The following PENK variants were observed in gnomAD, a reference collection of about 807,000 sequenced individuals.
The protein encoded by PENK is proenkephalin, also known as proenkephalin-A.
Under a neutral mutation model 24.1 loss-of-function variants are expected in PENK, and 25 were observed. The observed-to-expected ratio is 1.04, with a 90% CI of 0.76 to 1.45. PENK has a LOEUF of 1.45. Ranked by LOEUF, PENK falls within the 40% of genes most tolerant of loss-of-function variation. PENK has a pLI of 0.00. For synonymous variants in PENK, 135 were observed against 130.3 expected (o/e 1.04, Z -0.24); for missense variants, 353 against 337.9 (o/e 1.04, Z -0.35).
In PENK at chr8:56,441,903, G is replaced by A; in HGVS notation, c.173C>T (p.Ser58Phe). Residue 58 changes from serine (S) to phenylalanine (F), a missense_variant, in exon 4 of 4, where the codon TCT becomes TTT. Ser to Phe is a radical substitution (Grantham distance 155, BLOSUM62 -2). Coordinates refer to ENST00000451791, the MANE Select transcript of PENK (RefSeq NM_001135690.3). ...CVMECEGKLPSLKIWETCKEL... is the reference protein window; with the variant it reads ...CVMECEGKLPFLKIWETCKEL... The stretch of plus-strand genomic sequence containing the variant: ...CTTGCAGGTTTCCCAAATTTTCAGA[G>A]AAGGCAGTTTACCTTCACATTCCAT... The A allele has an allele frequency of 1.9e-6, 3 of 1,613,838 alleles. No individual in the cohort carries two copies. Among genetic ancestry groups the A allele is most frequent in the Non-Finnish European group, 2.5e-6 (3 of 1,179,880 alleles).
intron 3 of PENK, among the ~76,000 whole-genome samples, chr8:56,443,061 T>A (rs1295684807): frequency 2.0e-5 from 3 of 152,288 alleles, no homozygotes; most frequent in African/African-American, 4.8e-5. Flanking sequence ...ACATATATTA[T>A]TTTCACAATG....
At chr8:56,445,664 A>G (rs1181819416) in intron 3 of PENK, 152 bp downstream of exon 3, 1 of 920,838 alleles carries the variant, frequency 1.1e-6, no homozygotes, top group South Asian at 1.4e-5. Flanking sequence ...GGAACAGCTG[A>G]GACACCCAGG....
In PENK at chr8:56,445,911, C is replaced by G. The variant is rs757990057; in HGVS notation, c.43G>C (p.Gly15Arg). Residue 15 changes from glycine (G) to arginine (R), a missense_variant, in exon 3 of 4, where the codon GGC (glycine) becomes CGC (arginine). Gly to Arg is a moderately radical substitution (Grantham distance 125). Transcript: ENST00000451791. ...LTLCTWLLLL[G>R]PGLLATVRAE... ...CGCACGGTCGCCAGGAGCCCGGGGC[C>G]GAGCAACAGCAGCCAAGTGCAAAGT... 2 of 1,612,318 alleles carry G rather than the reference C, an allele frequency of 1.2e-6. No individual in the cohort carries two copies.
intron 3 of PENK, among the ~76,000 whole-genome samples, chr8:56,442,198 A>T (rs1804574098): frequency 6.6e-6 from 1 of 152,190 alleles, no homozygotes; most frequent in Non-Finnish European, 1.5e-5. Context: ...AGAAATTTTA[A>T]AGAATTTAAA....
At chr8:56,445,083 A>G (rs896556878) in intron 3 of PENK, among the ~76,000 whole-genome samples, 1 of 152,178 alleles carries the variant, frequency 6.6e-6, no homozygotes, top group African/African-American at 2.4e-5. Flanking sequence ...GTTGTCACCC[A>G]TTGGACACTG....
At chr8:56,442,776 A>T (rs981500104) in intron 3 of PENK, among the ~76,000 whole-genome samples, 2 of 152,088 alleles carry the variant, frequency 1.3e-5, no homozygotes, top group East Asian at 1.9e-4. Flanking sequence ...AATGGAAATC[A>T]TGGTGTTTGG....
chr8:56,440,977 T>C lies in PENK; in HGVS notation c.*295A>G, dbSNP rs995877273. 6 of 269,528 alleles carry C rather than the reference T, an allele frequency of 2.2e-5. No individual in the cohort carries two copies. Among genetic ancestry groups the C allele is most frequent in the African/African-American group, 4.4e-5 (2 of 45,462 alleles). The allele number at this position is 269,528 out of a possible 1,614,324, so 16.7% of individuals were successfully genotyped here. A position where few individuals can be genotyped will look rare whatever the true frequency, so the allele number is the denominator to read the frequency against. ...TATTATGCACTTGGGGTAATAGGTT[T>C]ATTATCTCTATATACAAGTAAGCAT... On this transcript the variant is annotated 3_prime_UTR_variant, in exon 4 of 4. Coordinates refer to ENST00000451791, the MANE Select transcript of PENK (RefSeq NM_001135690.3).
chr8:56,445,690 G>T, intron 3 of PENK, 126 bp downstream of exon 3: 2 of 1,246,000 alleles, frequency 1.6e-6, no homozygotes, highest in South Asian at 1.2e-5. Flanking sequence ...ACGGGCTCGC[G>T]CCGCTGCGGC....
At position 56,445,293 on chromosome 8, in the gene PENK, G is replaced by C. The variant is rs537759131; in HGVS notation, c.138+523C>G. ...TTTGCTCTCTCCTATTTACAGGTGAGGGTAGGGAATGAGGGACCTGAGGTT... is the reference window on the plus strand; with the variant it reads ...TTTGCTCTCTCCTATTTACAGGTGACGGTAGGGAATGAGGGACCTGAGGTT... On this transcript the variant is annotated intron_variant, in intron 3 of 3. Coordinates refer to ENST00000451791, the MANE Select transcript of PENK (RefSeq NM_001135690.3). The C allele has an allele frequency of 4.6e-4, 102 of 222,118 alleles. No homozygotes were observed. In the South Asian group the frequency reaches 0.014, roughly 30 times the overall value. The allele number at this position is 222,118 out of a possible 1,614,324, so 13.8% of individuals were successfully genotyped here.
In PENK at chr8:56,441,804, T is replaced by A; in HGVS notation, c.272A>T (p.Glu91Val). 1 of 1,614,218 alleles carries A rather than the reference T, an allele frequency of 6.2e-7. No homozygotes were observed. Among genetic ancestry groups the A allele is most frequent in the Non-Finnish European group, 8.5e-7 (1 of 1,180,048 alleles). ...TSTLRENSKPEESHLLAKRYG... is the reference protein window; with the variant it reads ...TSTLRENSKPVESHLLAKRYG... ...CCTTTTGGCTAGCAAATGGCTTTCT[T>A]CCGGTTTGCTATTTTCTCTGAGGGT... Residue 91 changes from glutamate to valine, a missense_variant, in exon 4 of 4, where the codon GAA becomes GTA. Physicochemically the swap from Glu to Val is moderately radical, Grantham distance 121. Transcript: ENST00000451791.
rs565827372 is a variant in PENK, at chr8:56,441,927, A to G, written c.149T>C (p.Met50Thr). 7 of 1,610,402 alleles carry G rather than the reference A, an allele frequency of 4.3e-6. No homozygotes were observed. Among genetic ancestry groups the G allele is most frequent in the Non-Finnish European group, 5.9e-6 (7 of 1,177,942 alleles). Residue 50 changes from methionine to threonine, a missense_variant, in exon 4 of 4, where the codon ATG becomes ACG. Met to Thr is a moderately conservative substitution (Grantham distance 81, BLOSUM62 -1). Coordinates refer to ENST00000451791, the MANE Select transcript of PENK (RefSeq NM_001135690.3). ...AGAAGGCAGTTTACCTTCACATTCC[A>G]TTACGCAAGCCTGGGAAAACAATTT... ...PADINFLACV[M>T]ECEGKLPSLK...
At chr8:56,445,294 G>T in intron 3 of PENK, 1 of 223,156 alleles carries the variant, frequency 4.5e-6, no homozygotes, top group South Asian at 1.5e-4. Context: ...TACAGGTGAG[G>T]GTAGGGAATG....
At position 56,441,291 on chromosome 8, in the gene PENK, C is replaced by T; in HGVS notation, c.785G>A (p.Gly262Glu). 1 of 1,605,670 alleles carries T rather than the reference C, an allele frequency of 6.2e-7. No individual in the cohort carries two copies. The highest frequency in any genetic ancestry group is 8.5e-7 in the Non-Finnish European group (1 of 1,176,076). Residue 262 changes from glycine (G) to glutamate (E), a missense_variant, in exon 4 of 4, where the codon GGA becomes GAA. By Grantham distance (98) the Gly-to-Glu change is moderately conservative. Transcript: ENST00000451791. The part of the protein sequence containing the change: ...KEVPEMEKRY[G>E]GFMRF ...AAGATATTAAAATCTCATAAATCCTCCGTATCTTTTTTCCATTTCAGGAAC... is the reference window on the plus strand; with the variant it reads ...AAGATATTAAAATCTCATAAATCCTTCGTATCTTTTTTCCATTTCAGGAAC...
intron 3 of PENK, among the ~76,000 whole-genome samples, chr8:56,442,804 G>A (rs1804583778): frequency 6.6e-6 from 1 of 151,874 alleles, no homozygotes; most frequent in Non-Finnish European, 1.5e-5. Flanking sequence ...GGAATCATCA[G>A]CATACATTCT....
At position 56,441,671 on chromosome 8, in the gene PENK, C is replaced by A; in HGVS notation, c.405G>T (p.Arg135=). 1 of 1,614,114 alleles carries A rather than the reference C, an allele frequency of 6.2e-7. No homozygotes were observed. The highest frequency in any genetic ancestry group is 8.5e-7 in the Non-Finnish European group (1 of 1,180,020). The stretch of plus-strand genomic sequence containing the variant: ...CATCCTTCTTCATGAAGCCCCCATA[C>A]CGCTTGGCGAGGATCTCACTTCCAT... ...EANGSEILAK[R]YGGFMKKDAE... is the part of the protein sequence containing the mutation. The change falls in exon 4 of 4, where the codon CGG becomes CGT. Residue 135 remains arginine (R), a synonymous_variant. Coordinates refer to ENST00000451791, the MANE Select transcript of PENK (RefSeq NM_001135690.3).
chr8:56,441,164 C>A lies in PENK; in HGVS notation c.*108G>T. 2.6e-6 allele frequency: 2 copies of A among 773,738 alleles called. No homozygotes were observed. The highest frequency in any genetic ancestry group is 3.8e-4 in the Middle Eastern group (1 of 2,664). The allele number at this position is 773,738 out of a possible 1,614,324, so 47.9% of individuals were successfully genotyped here. On this transcript the variant is annotated 3_prime_UTR_variant, in exon 4 of 4. Coordinates refer to ENST00000451791, the MANE Select transcript of PENK (RefSeq NM_001135690.3). ...TGTATAGTTATCCAGACAATGAAGT[C>A]AACTATACAAGGCAAGCAACACATG...
chr8:56,441,227 G>T lies in PENK; in HGVS notation c.*45C>A. 7.6e-7 allele frequency: 1 copy of T among 1,321,896 alleles called. No individual in the cohort carries two copies. The highest frequency in any genetic ancestry group is 1.1e-6 in the Non-Finnish European group (1 of 947,004). 81.9% of individuals were successfully genotyped at this position (1,321,896 alleles called of 1,614,324 possible). A position where few individuals can be genotyped will look rare whatever the true frequency, so the allele number is the denominator to read the frequency against. ...CATCAACAGTTTCCCACTGGAGGAT[G>T]GAGGGAGGCTTGCTGGGGCCTGGGG... On this transcript the variant is annotated 3_prime_UTR_variant, in exon 4 of 4. Transcript: ENST00000451791.
At chr8:56,444,445 A>G (rs1191874666) in intron 3 of PENK, among the ~76,000 whole-genome samples, 1 of 152,208 alleles carries the variant, frequency 6.6e-6, no homozygotes, top group Non-Finnish European at 1.5e-5. Context: ...GGAGTCTTCT[A>G]TGTGGCATGT....
chr8:56,443,351 C>T (rs1393456203), intron 3 of PENK, among the ~76,000 whole-genome samples: 1 of 152,174 alleles, frequency 6.6e-6, no homozygotes, highest in Non-Finnish European at 1.5e-5. Context: ...GAATGTTTTG[C>T]ATACTAATAC....
Sources: allele counts gnomAD v4.1 joint callset (sites outside exome capture counted in the v4.1 genomes callset), GRCh38; gene constraint gnomAD v4.1.1; transcripts MANE v1.5; gene names NCBI Gene and HGNC (gene_info 2026-07-23, HGNC 2026-07-21).